MLIP: variants seen among roughly 807,000 people sequenced by gnomAD.
MLIP encodes muscular LMNA interacting protein.
MLIP carries 79 observed loss-of-function variants against 84.8 expected under a neutral mutation model. The ratio of observed to expected loss-of-function variants is 0.93; its 90% CI spans 0.78 to 1.12. MLIP has a LOEUF of 1.12. Ranked by LOEUF, MLIP falls within the 50% of genes most tolerant of loss-of-function variation. MLIP has a pLI of 0.00. For missense variants in MLIP, 1,257 were observed against 1,160.6 expected (o/e 1.08, Z -1.21); for synonymous variants, 504 against 463.0 (o/e 1.09, Z -1.14).
intron 12 of MLIP, among the ~76,000 whole-genome samples, chr6:54,251,675 A>G (rs371966656): frequency 4.6e-5 from 5 of 107,558 alleles, no homozygotes; most frequent in Non-Finnish European, 8.2e-5. Flanking sequence ...ATATATTATA[A>G]CATATAATAT....
intron 1 of MLIP, among the ~76,000 whole-genome samples, chr6:54,104,015 A>G (rs1582148466): frequency 1.3e-5 from 2 of 152,126 alleles, no homozygotes; most frequent in Non-Finnish European, 1.5e-5. Context: ...AAAATAATCA[A>G]TTAAACCCTC....
rs561746893 is a variant in MLIP at position 54,207,953 on chromosome 6, G to A, written c.2718+5720G>A. ...ATCCTGGCTAACACGGTGAAACCCCGTCTCTACTAAAAAAATTACAAAAAA... is the reference window on the plus strand; with the variant it reads ...ATCCTGGCTAACACGGTGAAACCCCATCTCTACTAAAAAAATTACAAAAAA... On this transcript the variant is annotated intron_variant, in intron 11 of 13. Transcript: ENST00000502396. 7.9e-5 allele frequency among the ~76,000 whole-genome samples: 12 copies of A among 151,934 alleles called. 1 individual carries two copies. The South Asian group carries it at 2.1e-3, about 26-fold the overall frequency.
intron 12 of MLIP, among the ~76,000 whole-genome samples, chr6:54,251,802 A>G: frequency 1.0e-5 from 1 of 96,700 alleles, no homozygotes; most frequent in South Asian, 3.4e-4. Context: ...TAATATAAAT[A>G]TATATATTAT....
intron 1 of MLIP, among the ~76,000 whole-genome samples, chr6:54,025,262 C>T (rs1007120267): frequency 2.6e-5 from 4 of 152,108 alleles, no homozygotes; most frequent in Admixed American, 2.6e-4. Flanking sequence ...CTGACATGCC[C>T]CAAAACAAGT....
chr6:54,074,400 C>T (rs1163661789), intron 1 of MLIP, among the ~76,000 whole-genome samples: 3 of 150,274 alleles, frequency 2.0e-5, no homozygotes, highest in African/African-American at 4.9e-5. Flanking sequence ...ATAAAATTAA[C>T]GCGATGATTT....
At chr6:54,168,536 C>A (rs1440967430) in intron 8 of MLIP, among the ~76,000 whole-genome samples, 2 of 151,776 alleles carry the variant, frequency 1.3e-5, no homozygotes, top group South Asian at 2.1e-4. Flanking sequence ...GTGAACTCCT[C>A]AATGGCAGGA....
upstream of MLIP, among the ~76,000 whole-genome samples, chr6:54,108,815 G>A (rs902593670): frequency 3.3e-5 from 5 of 151,940 alleles, no homozygotes; most frequent in African/African-American, 1.2e-4. Context: ...TCTGTTTGTG[G>A]GAGAGAATGA....
chr6:54,061,824 T>C (rs113043482), intron 1 of MLIP, among the ~76,000 whole-genome samples: 1 of 152,294 alleles, frequency 6.6e-6, no homozygotes, highest in African/African-American at 2.4e-5. Context: ...TAGGAAAATC[T>C]CAGCATGGGT....
At position 54,202,135 on chromosome 6, in the gene MLIP, G is replaced by C; in HGVS notation, c.2620G>C (p.Val874Leu). 2 of 1,600,504 alleles carry C rather than the reference G, an allele frequency of 1.2e-6. No individual in the cohort carries two copies. The highest frequency in any genetic ancestry group is 2.3e-5 in the South Asian group (2 of 88,862). Residue 874 changes from valine (V) to leucine (L), a missense_variant, in exon 11 of 14, where the codon GTA (valine) becomes CTA (leucine). Coordinates refer to ENST00000502396, the MANE Select transcript of MLIP (RefSeq NM_001281747.2). ...GCCTGGAGTAATTCGCCCAGTACCT[G>C]TAAAATCCAGAATATTACTGAAAAA... Reference protein sequence around the residue: ...TKPGVIRPVPVKSRILLKKEE... With the variant: ...TKPGVIRPVPLKSRILLKKEE...
chr6:54,041,461 C>T (rs1764738282), intron 1 of MLIP, among the ~76,000 whole-genome samples: 1 of 151,994 alleles, frequency 6.6e-6, no homozygotes, highest in Non-Finnish European at 1.5e-5. Context: ...CTTTCTGAGT[C>T]ATATAAGTAT....
chr6:54,149,357 G>C (rs1346417117), intron 5 of MLIP, among the ~76,000 whole-genome samples: 1 of 152,102 alleles, frequency 6.6e-6, no homozygotes, highest in Non-Finnish European at 1.5e-5. Flanking sequence ...TTAGTCCACT[G>C]TCAAGCTACT....
At chr6:54,239,854 A>G (rs1781617691) in intron 12 of MLIP, among the ~76,000 whole-genome samples, 1 of 152,100 alleles carries the variant, frequency 6.6e-6, no homozygotes, top group Admixed American at 6.6e-5. Flanking sequence ...TATGTCTACC[A>G]CTATAATAAA....
intron 1 of MLIP, among the ~76,000 whole-genome samples, chr6:54,061,893 C>A (rs910840077): frequency 1.3e-5 from 2 of 152,098 alleles, no homozygotes; most frequent in African/African-American, 4.8e-5. Flanking sequence ...TCCAGGATTG[C>A]CTAGGGATTT....
intron 4 of MLIP, among the ~76,000 whole-genome samples, chr6:54,141,684 T>C (rs1028170620): frequency 4.6e-5 from 7 of 152,140 alleles, no homozygotes; most frequent in Non-Finnish European, 8.8e-5. Context: ...AATTCACCCA[T>C]GGAGTTGTGT....
chr6:54,160,721 T>A lies in MLIP; in HGVS notation c.2440-19T>A. 1 of 1,549,034 alleles carries A rather than the reference T, an allele frequency of 6.5e-7. No individual in the cohort carries two copies. The highest frequency in any genetic ancestry group is 8.9e-7 in the Non-Finnish European group (1 of 1,122,042). On this transcript the variant is annotated intron_variant, in intron 7 of 13. Coordinates refer to ENST00000502396, the MANE Select transcript of MLIP (RefSeq NM_001281747.2). ...CTTTCCTTTTCTCTTCTTCTTTCCT[T>A]CCTTTCTTTTTTTTTCAGCATTCTT... is the stretch of plus-strand genomic sequence containing the variant.
intron 1 of MLIP, among the ~76,000 whole-genome samples, chr6:54,032,198 C>T (rs977036442): frequency 2.0e-5 from 3 of 151,856 alleles, no homozygotes; most frequent in African/African-American, 7.3e-5. Flanking sequence ...TTTACAATTC[C>T]CTTGTGAAAA....
chr6:54,150,663 T>C (rs1773347640), intron 5 of MLIP, among the ~76,000 whole-genome samples: 1 of 152,206 alleles, frequency 6.6e-6, no homozygotes, highest in Non-Finnish European at 1.5e-5. Context: ...TCTGCTACTA[T>C]GTAAATTTCC....
chr6:54,020,108 T>C (rs989384201), intron 1 of MLIP, among the ~76,000 whole-genome samples: 1 of 152,224 alleles, frequency 6.6e-6, no homozygotes, highest in African/African-American at 2.4e-5. Flanking sequence ...TGTGTCCTTG[T>C]AGAGCTAACC....
intron 1 of MLIP, chr6:54,046,692 T>C (rs571344215): frequency 6.6e-6 from 1 of 152,312 alleles, no homozygotes; most frequent in Non-Finnish European, 1.5e-5. Context: ...ACTATCATGA[T>C]CACAGAAGAA....
Sources: gnomAD v4.1 joint callset for allele counts (sites outside exome capture counted in the v4.1 genomes callset) on GRCh38, gnomAD v4.1.1 for gene constraint, MANE v1.5 for transcripts, NCBI Gene and HGNC (gene_info 2026-07-23, HGNC 2026-07-21) for gene names.